ECT2L: variants seen among roughly 807,000 people sequenced by gnomAD.
ECT2L encodes the protein epithelial cell-transforming sequence 2 oncogene-like.
ECT2L carries 126 observed loss-of-function variants against 122.8 expected under a neutral mutation model. The observed-to-expected ratio is 1.03, with a 90% CI of 0.89 to 1.19. The LOEUF (loss-of-function observed/expected upper bound fraction) is 1.19. Ranked by LOEUF, ECT2L falls within the 50% of genes most tolerant of loss-of-function variation. The pLI is 0.00. For synonymous variants in ECT2L, 385 were observed against 381.8 expected, an observed-to-expected ratio of 1.01 and a Z score of -0.10; for missense variants, 1,012 against 1,064.1, an observed-to-expected ratio of 0.95 and a Z score of 0.68.
chr6:138,828,531 C>G (rs999683293), intron 4 of ECT2L, among the ~76,000 whole-genome samples: 2 of 152,100 alleles, frequency 1.3e-5, no homozygotes, highest in Non-Finnish European at 2.9e-5. Flanking sequence ...CAGAAGCTGG[C>G]GAGTTCCAGT....
intron 11 of ECT2L, among the ~76,000 whole-genome samples, chr6:138,863,558 A>C (rs961744468): frequency 6.6e-6 from 1 of 152,124 alleles, no homozygotes; most frequent in Non-Finnish European, 1.5e-5. Flanking sequence ...GAACTGGCCT[A>C]GCAGAGCACA....
At position 138,876,080 on chromosome 6, in the gene ECT2L, T is replaced by C. The variant is rs370914911; in HGVS notation, c.1579-392T>C. Among the ~76,000 whole-genome samples, 8 of 151,522 alleles carry C rather than the reference T, an allele frequency of 5.3e-5. 1 individual carries two copies. In the South Asian group the frequency reaches 1.0e-3, roughly 20 times the overall value. On this transcript the variant is annotated intron_variant, in intron 13 of 21. Transcript: ENST00000541398. ...GTTGCAGTGAGCCGAGATTGTGCCA[T>C]TGCACTCCAGCCTGGGCGAGAGTGA... is the stretch of plus-strand genomic sequence containing the variant.
chr6:138,800,248 G>GT (rs1775496493), intron 1 of ECT2L, among the ~76,000 whole-genome samples: 2 of 152,306 alleles, frequency 1.3e-5, no homozygotes, highest in South Asian at 4.1e-4. Context: ...CAGCCACAAT[G>GT]TTTTTTCCAG....
At chr6:138,898,851 T>G (rs1188847) in intron 20 of ECT2L, among the ~76,000 whole-genome samples, 89,359 of 151,850 alleles carry the variant, frequency 0.59, 26,708 homozygotes, top group Non-Finnish European at 0.65. Context: ...AGAGTACTGA[T>G]CCCTATAACA....
intron 1 of ECT2L, among the ~76,000 whole-genome samples, chr6:138,805,355 G>A (rs1048343054): frequency 4.6e-5 from 7 of 152,100 alleles, no homozygotes; most frequent in Non-Finnish European, 5.9e-5. Flanking sequence ...TAGAAATAAC[G>A]CCAAATAGTT....
At chr6:138,813,585 T>TG in intron 3 of ECT2L, among the ~76,000 whole-genome samples, 1 of 152,210 alleles carries the variant, frequency 6.6e-6, no homozygotes, top group Non-Finnish European at 1.5e-5. Context: ...AGGAACAAAA[T>TG]AGAGACCTCT....
At chr6:138,833,676 C>G (rs1776725124) in intron 4 of ECT2L, among the ~76,000 whole-genome samples, 2 of 152,074 alleles carry the variant, frequency 1.3e-5, no homozygotes, top group African/African-American at 4.8e-5. Context: ...GTGGCATGCA[C>G]CTGTAATCCC....
intron 3 of ECT2L, among the ~76,000 whole-genome samples, 174 bp from the exon 4 acceptor site, chr6:138,814,317 A>C (rs1474778186): frequency 2.0e-5 from 3 of 152,186 alleles, no homozygotes; most frequent in Admixed American, 6.5e-5. Context: ...CCTGGGTAAA[A>C]AGTTTAACCT....
Position 138,902,055 on chromosome 6 carries a change from T to C in ECT2L, c.2588-445T>C, listed in dbSNP as rs150292160. ...CCCCTCCCACCATGACAATCAGCTG[T>C]GACCTATGTCAAAACATTGTTAAGT... On this transcript the variant is annotated intron_variant, in intron 21 of 21. Coordinates refer to ENST00000541398, the MANE Select transcript of ECT2L (RefSeq NM_001077706.3). Among the ~76,000 whole-genome samples the C allele has an allele frequency of 1.0e-3, 156 of 152,330 alleles. 2 individuals carry two copies. The East Asian group carries it at 0.026, about 25-fold the overall frequency.
Position 138,876,536 on chromosome 6 carries a change from AT to A in ECT2L, c.1647del (p.Phe549LeufsTer4), listed in dbSNP as rs770052155. On this transcript the variant is annotated frameshift_variant, in exon 14 of 22. Transcript: ENST00000541398. LOFTEE classifies it high-confidence loss of function. Reference protein sequence around the residue: ...TKSRLSKNDLNFEALINLERI... With the variant: ...TKSRLSKNDLXFEALINLERI... ...TCCAGGCTCAGCAAAAATGATTTAA[AT>A]TTTGAAGCACTGATTAATCTGGTAA... 8.1e-6 allele frequency: 13 copies of A among 1,611,658 alleles called. No individual in the cohort carries two copies. In the African/African-American group the frequency reaches 1.2e-4, roughly 15 times the overall value.
At chr6:138,865,253 T>C in intron 12 of ECT2L, 75 bp downstream of exon 12, 1 of 1,410,484 alleles carries the variant, frequency 7.1e-7, no homozygotes, top group Non-Finnish European at 9.4e-7. Flanking sequence ...ACAAGTTTAG[T>C]TATGGCGCAA....
intron 12 of ECT2L, among the ~76,000 whole-genome samples, chr6:138,866,239 C>T (rs753874854): frequency 6.6e-6 from 1 of 151,584 alleles, no homozygotes; most frequent in Non-Finnish European, 1.5e-5. Flanking sequence ...ACCTCTGCCT[C>T]CCAGTTCAAG....
At chr6:138,851,085 T>G (rs190421759) in intron 9 of ECT2L, among the ~76,000 whole-genome samples, 1 of 149,680 alleles carries the variant, frequency 6.7e-6, no homozygotes, top group East Asian at 2.0e-4. Context: ...AGCAGTTGCA[T>G]CATTTCATAA....
intron 4 of ECT2L, among the ~76,000 whole-genome samples, chr6:138,825,653 C>T (rs1422038461): frequency 6.6e-6 from 1 of 152,124 alleles, no homozygotes; most frequent in Non-Finnish European, 1.5e-5. Flanking sequence ...CACCAATAAT[C>T]CACCACCCAT....
chr6:138,796,305 C>T (rs1331761263), intron 1 of ECT2L, 113 bp downstream of exon 1: 1 of 152,264 alleles, frequency 6.6e-6, no homozygotes, highest in Non-Finnish European at 1.5e-5. Flanking sequence ...CTAAGCAGCG[C>T]TGAGGGGCGC....
chr6:138,834,677 C>T (rs1776761249), intron 4 of ECT2L, among the ~76,000 whole-genome samples: 1 of 152,054 alleles, frequency 6.6e-6, no homozygotes. Context: ...CAAAATGATC[C>T]TGAAGTCTAA....
Position 138,901,013 on chromosome 6 carries a change from G to T in ECT2L, c.2480G>T (p.Arg827Leu), listed in dbSNP as rs373124968. 1.7e-5 allele frequency: 28 copies of T among 1,613,938 alleles called. No homozygotes were observed. Among genetic ancestry groups the T allele is most frequent in the Non-Finnish European group, 2.3e-5 (27 of 1,180,016 alleles). Reference sequence around the variant, plus strand: ...AATGATGCCCTGCTCGTTTCTAGTCGGGGCACATCTCACACTCCATTTGAG... The same window carrying T: ...AATGATGCCCTGCTCGTTTCTAGTCTGGGCACATCTCACACTCCATTTGAG... ...LFNDALLVSS[R>L]GTSHTPFERT... Residue 827 changes from arginine (R) to leucine (L), a missense_variant, in exon 21 of 22, where the codon CGG (arginine) becomes CTG (leucine). Transcript: ENST00000541398.
chr6:138,808,086 G>A (rs2128370830), intron 1 of ECT2L, among the ~76,000 whole-genome samples: 1 of 151,308 alleles, frequency 6.6e-6, no homozygotes, highest in African/African-American at 2.4e-5. Context: ...CATACTTGCT[G>A]GGTTTTCATG....
At chr6:138,799,880 T>C (rs1775482119) in intron 1 of ECT2L, among the ~76,000 whole-genome samples, 1 of 152,226 alleles carries the variant, frequency 6.6e-6, no homozygotes, top group African/African-American at 2.4e-5. Flanking sequence ...TGTTCTTCTC[T>C]TGTATAATCT....
Sources: gnomAD v4.1 joint callset for allele counts (sites outside exome capture counted in the v4.1 genomes callset) on GRCh38, gnomAD v4.1.1 for gene constraint, MANE v1.5 for transcripts, NCBI Gene and HGNC (gene_info 2026-07-23, HGNC 2026-07-21) for gene names.